The following HERC5 variants were observed in gnomAD, a reference collection of about 807,000 sequenced individuals.
The protein encoded by HERC5 is E3 ISG15--protein ligase HERC5.
In HERC5, 99 loss-of-function variants were observed where a neutral mutation model predicts 119.6. That is an observed-to-expected ratio of 0.83 (90% CI 0.70 to 0.98). The LOEUF is 0.98. HERC5 is among the 50% of genes least tolerant of loss of function. The pLI is 0.00. For synonymous variants in HERC5, 478 were observed against 445.9 expected (o/e 1.07, Z -0.91); for missense variants, 1,267 against 1,241.3 (o/e 1.02, Z -0.31).
chr4:88,490,613 G>A (rs767401883), intron 16 of HERC5, among the ~76,000 whole-genome samples: 7 of 152,166 alleles, frequency 4.6e-5, no homozygotes, highest in Admixed American at 1.3e-4. Context: ...GGAGACTGAG[G>A]TGGGCAGATC....
chr4:88,494,229 G>T lies in HERC5; in HGVS notation c.2342G>T (p.Cys781Phe). 5 of 1,612,838 alleles carry T rather than the reference G, an allele frequency of 3.1e-6. No homozygotes were observed. Among genetic ancestry groups the T allele is most frequent in the Non-Finnish European group, 4.2e-6 (5 of 1,179,334 alleles). The change falls in exon 18 of 23, where the codon TGC becomes TTC. Residue 781 changes from cysteine (C) to phenylalanine (F), a missense_variant. Physicochemically the swap from Cys to Phe is radical, Grantham distance 205. Transcript: ENST00000264350. Reference protein sequence around the residue: ...GVLCGLSLFNCNVANLPFPLA... With the variant: ...GVLCGLSLFNFNVANLPFPLA... Reference sequence around the variant, plus strand: ...CTATGTGGACTTTCCCTGTTCAATTGCAATGTTGCCAACCTTCCTTTCCCA... The same window carrying T: ...CTATGTGGACTTTCCCTGTTCAATTTCAATGTTGCCAACCTTCCTTTCCCA...
chr4:88,488,108 G>T (rs1030716887), intron 15 of HERC5, among the ~76,000 whole-genome samples: 2 of 152,114 alleles, frequency 1.3e-5, no homozygotes, highest in Admixed American at 6.5e-5. Flanking sequence ...AAAGATAAAA[G>T]AACTTTGTTT....
At chr4:88,471,494 C>G (rs1740868726) in intron 10 of HERC5, among the ~76,000 whole-genome samples, 1 of 151,720 alleles carries the variant, frequency 6.6e-6, no homozygotes, top group South Asian at 2.1e-4. Context: ...GCACGTGCCA[C>G]CACCTCCTGC....
chr4:88,479,284 CAAAA>C (rs376253040), intron 12 of HERC5, 65 bp from the exon 13 acceptor site: 4,010 of 922,300 alleles, frequency 4.3e-3, no homozygotes, highest in South Asian at 9.1e-3. Flanking sequence ...GACTCTGTCT[CAAAA>C]AAAAAAAAAA....
At chr4:88,499,084 C>G (rs1277015371) in intron 18 of HERC5, among the ~76,000 whole-genome samples, 1 of 152,148 alleles carries the variant, frequency 6.6e-6, no homozygotes, top group African/African-American at 2.4e-5. Flanking sequence ...GTCATGTATC[C>G]CTTCAGAAAA....
At chr4:88,476,118 A>AC in intron 12 of HERC5, 88 bp downstream of exon 12, 1 of 1,027,690 alleles carries the variant, frequency 9.7e-7, no homozygotes, top group Non-Finnish European at 1.4e-6. Flanking sequence ...AGATACTTAG[A>AC]AATGTATTCA....
Position 88,489,194 on chromosome 4 carries a change from C to T in HERC5, c.1991C>T (p.Ser664Leu), listed in dbSNP as rs1398963003. 6.8e-6 allele frequency: 11 copies of T among 1,612,556 alleles called. No homozygotes were observed. Among genetic ancestry groups the T allele is most frequent in the South Asian group, 4.4e-5 (4 of 90,674 alleles). ...AAAAAACATAAAGCTTATCTTAGGT[C>T]GGCAGCAATTGAGGAAGAAAGAGAG... ...ESKKHKAYLRSAAIEEERESE... is the reference protein window; with the variant it reads ...ESKKHKAYLRLAAIEEERESE... Residue 664 changes from serine (S) to leucine (L), a missense_variant, in exon 16 of 23, where the codon TCG becomes TTG. Around this residue, in one of 3 missense-constraint regions of HERC5, gnomAD observed 473 missense variants for 445.7 expected, o/e 1.06. Transcript: ENST00000264350.
At chr4:88,490,184 C>T (rs923886648) in intron 16 of HERC5, among the ~76,000 whole-genome samples, 10 of 152,142 alleles carry the variant, frequency 6.6e-5, no homozygotes, top group Non-Finnish European at 1.5e-4. Flanking sequence ...GATACTGAAT[C>T]ATAATGACCA....
intron 13 of HERC5, among the ~76,000 whole-genome samples, chr4:88,485,041 T>G (rs947083049): frequency 6.7e-6 from 1 of 149,428 alleles, no homozygotes; most frequent in Admixed American, 6.7e-5. Context: ...TTTTAAAGGT[T>G]TTTTTTTTTT....
intron 15 of HERC5, among the ~76,000 whole-genome samples, 191 bp downstream of exon 15, chr4:88,487,370 A>C (rs774953486): frequency 1.3e-5 from 2 of 152,148 alleles, no homozygotes; most frequent in African/African-American, 4.8e-5. Flanking sequence ...CCTTAAGGCA[A>C]ATTAGGGCCT....
intron 18 of HERC5, among the ~76,000 whole-genome samples, chr4:88,495,463 G>A (rs1741770643): frequency 6.6e-6 from 1 of 152,166 alleles, no homozygotes; most frequent in Admixed American, 6.5e-5. Flanking sequence ...AGAAGGCTGA[G>A]GCAGGTGGAT....
Position 88,457,307 on chromosome 4 carries a change from G to A in HERC5, c.38G>A (p.Gly13Glu). 5 of 1,374,780 alleles carry A rather than the reference G, an allele frequency of 3.6e-6. No homozygotes were observed. In the South Asian group the frequency reaches 8.1e-5, roughly 22 times the overall value. 85.2% of individuals were successfully genotyped at this position (1,374,780 alleles called of 1,614,324 possible). A position where few individuals can be genotyped will look rare whatever the true frequency, so the allele number is the denominator to read the frequency against. ...TCGCGGAGGAAGTCGCGGCGCAACG[G>A]GCGCTCGACCGCGGGCAAGGCCGCC... The part of the protein sequence containing the change: ...RRSRRKSRRN[G>E]RSTAGKAAAT... The change falls in exon 1 of 23, where the codon GGG becomes GAG. Residue 13 changes from glycine to glutamate, a missense_variant. This residue lies in a region of HERC5 where 777 missense variants were observed against 758.0 expected (regional missense o/e 1.03). Transcript: ENST00000264350.
At chr4:88,467,299 CTATG>C in intron 7 of HERC5, 95 bp downstream of exon 7, 1 of 1,245,754 alleles carries the variant, frequency 8.0e-7, no homozygotes, top group Non-Finnish European at 1.1e-6. Context: ...CAACATATGA[CTATG>C]AAGGGAGTTT....
At chr4:88,499,413 C>T (rs1003362408) in intron 18 of HERC5, among the ~76,000 whole-genome samples, 2 of 152,098 alleles carry the variant, frequency 1.3e-5, no homozygotes, top group African/African-American at 4.8e-5. Context: ...TTTGATGTGA[C>T]CTCTATTCTC....
In HERC5 at chr4:88,459,442, T is replaced by A. The variant is rs759895396; in HGVS notation, c.361T>A (p.Tyr121Asn). 1 of 1,581,714 alleles carries A rather than the reference T, an allele frequency of 6.3e-7. No homozygotes were observed. Among genetic ancestry groups the A allele is most frequent in the South Asian group, 1.2e-5 (1 of 85,176 alleles). The stretch of plus-strand genomic sequence containing the variant: ...CTCATCAGATGGAAAACCATTTGAG[T>A]ATGACAACTATAGCATGAAACATCT... Reference protein sequence around the residue: ...ILSSDGKPFEYDNYSMKHLRF... With the variant: ...ILSSDGKPFENDNYSMKHLRF... The change falls in exon 2 of 23, where the codon TAT (tyrosine) becomes AAT (asparagine). Residue 121 changes from tyrosine (Y) to asparagine (N), a missense_variant. Transcript: ENST00000264350.
At chr4:88,496,746 A>G (rs73841947) in intron 18 of HERC5, among the ~76,000 whole-genome samples, 2 of 152,362 alleles carry the variant, frequency 1.3e-5, no homozygotes, top group African/African-American at 4.8e-5. Context: ...GCAGTGTACC[A>G]ACAGTAAAGA....
At chr4:88,497,287 C>A (rs1033834600) in intron 18 of HERC5, among the ~76,000 whole-genome samples, 1 of 152,112 alleles carries the variant, frequency 6.6e-6, no homozygotes, top group African/African-American at 2.4e-5. Flanking sequence ...CTGGCAAGGG[C>A]TCAGAAGAAG....
chr4:88,505,850 C>T lies in HERC5; in HGVS notation c.3047C>T (p.Ala1016Val). 1 of 1,612,148 alleles carries T rather than the reference C, an allele frequency of 6.2e-7. No homozygotes were observed. Among genetic ancestry groups the T allele is most frequent in the Non-Finnish European group, 8.5e-7 (1 of 1,179,154 alleles). ...METVEEALQE[A>V]INNNRGFG ...ACAGTTGAAGAAGCGCTTCAAGAAG[C>T]CATCAACAACAACAGAGGATTTGGC... The change falls in exon 23 of 23, where the codon GCC (alanine) becomes GTC (valine). Residue 1016 changes from alanine (A) to valine (V), a missense_variant. This residue lies in a region of HERC5 where 473 missense variants were observed against 445.7 expected (regional missense o/e 1.06). Coordinates refer to ENST00000264350, the MANE Select transcript of HERC5 (RefSeq NM_016323.4).
rs1185084732 is a variant in HERC5 at position 88,467,297 on chromosome 4, G to C, written c.1057+93G>C. 3.2e-6 allele frequency: 4 copies of C among 1,261,038 alleles called. No individual in the cohort carries two copies. The East Asian group carries it at 9.4e-5, about 30-fold the overall frequency. 78.1% of individuals were successfully genotyped at this position (1,261,038 alleles called of 1,614,324 possible). ...TAATGTGGCAAAGAAAGCAACATAT[G>C]ACTATGAAGGGAGTTTCTCTAAATA... On this transcript the variant is annotated intron_variant, in intron 7 of 22. Transcript: ENST00000264350.
Sources: gnomAD v4.1 joint callset for allele counts (sites outside exome capture counted in the v4.1 genomes callset) on GRCh38, gnomAD v4.1.1 for gene constraint, gnomAD v4.1.1 regional missense constraint, MANE v1.5 for transcripts, NCBI Gene and HGNC (gene_info 2026-07-23, HGNC 2026-07-21) for gene names.